Variants in DNAH7 observed in about 807,000 individuals in gnomAD.
DNAH7 encodes the protein dynein axonemal heavy chain 7, also known as axonemal beta dynein heavy chain 7.
In DNAH7, 397 loss-of-function variants were observed where a neutral mutation model predicts 444.6. The ratio of observed to expected loss-of-function variants is 0.89; its 90% confidence interval spans 0.82 to 0.97. The LOEUF (loss-of-function observed/expected upper bound fraction) is 0.97, where lower values mean the gene tolerates loss of function less well. DNAH7 is among the 50% of genes least tolerant of loss of function. DNAH7 has a pLI of 0.00. For synonymous variants in DNAH7, 1,636 were observed against 1,624.4 expected (o/e 1.01, Z -0.17); for missense variants, 4,902 against 4,800.8 (o/e 1.02, Z -0.62).
At chr2:195,886,799 C>T (rs1445427305) in intron 33 of DNAH7, among the ~76,000 whole-genome samples, 1 of 152,076 alleles carries the variant, frequency 6.6e-6, no homozygotes, top group African/African-American at 2.4e-5. Flanking sequence ...AATGAAATAA[C>T]GTGTAATGCT....
chr2:196,024,013 G>C (rs1157124480), intron 8 of DNAH7, among the ~76,000 whole-genome samples: 2 of 152,072 alleles, frequency 1.3e-5, no homozygotes, highest in Non-Finnish European at 2.9e-5. Flanking sequence ...TGCAGTTTGT[G>C]GCTTTCCAAG....
intron 63 of DNAH7, among the ~76,000 whole-genome samples, chr2:195,748,155 A>G (rs1001100496): frequency 1.4e-4 from 22 of 152,340 alleles, no homozygotes; most frequent in Middle Eastern, 3.4e-3. Flanking sequence ...TACAAAATCA[A>G]TGTGCAAAAA....
intron 61 of DNAH7, among the ~76,000 whole-genome samples, chr2:195,761,330 A>G (rs1379114578): frequency 6.6e-6 from 1 of 152,172 alleles, no homozygotes; most frequent in Non-Finnish European, 1.5e-5. Flanking sequence ...GCACACCTAC[A>G]AGATCTAGAA....
At chr2:195,917,893 T>A (rs1192193748) in intron 24 of DNAH7, among the ~76,000 whole-genome samples, 1 of 152,188 alleles carries the variant, frequency 6.6e-6, no homozygotes, top group Non-Finnish European at 1.5e-5. Context: ...GGTCTTGAAT[T>A]CTTGGTGTCA....
chr2:195,763,827 T>C (rs930667531), intron 61 of DNAH7, among the ~76,000 whole-genome samples: 32 of 151,864 alleles, frequency 2.1e-4, no homozygotes, highest in Admixed American at 1.1e-3. Flanking sequence ...CCAATCCTAC[T>C]AAGCTATTCT....
At chr2:195,936,853 T>C in intron 19 of DNAH7, 61 bp from the exon 20 acceptor site, 1 of 1,166,042 alleles carries the variant, frequency 8.6e-7, no homozygotes, top group Non-Finnish European at 1.2e-6. Context: ...CTATTTATAT[T>C]CATATTATAT....
chr2:195,762,040 G>A (rs7565444), intron 61 of DNAH7, among the ~76,000 whole-genome samples: 1 of 152,034 alleles, frequency 6.6e-6, no homozygotes, highest in Non-Finnish European at 1.5e-5. Context: ...TTTCAAGACA[G>A]AGACAGTATA....
chr2:195,998,108 T>G (rs1218328280), intron 12 of DNAH7, among the ~76,000 whole-genome samples: 1 of 152,234 alleles, frequency 6.6e-6, no homozygotes, highest in Non-Finnish European at 1.5e-5. Context: ...ATGCCAACTG[T>G]AGGCTTTATC....
At chr2:195,983,820 TA>T (rs1170805228) in intron 15 of DNAH7, among the ~76,000 whole-genome samples, 2 of 152,100 alleles carry the variant, frequency 1.3e-5, no homozygotes, top group Non-Finnish European at 2.9e-5. Context: ...TTATAAAAAA[TA>T]AAATGTCACT....
intron 10 of DNAH7, 152 bp downstream of exon 10, chr2:196,012,635 T>C (rs1694788008): frequency 2.5e-6 from 2 of 804,698 alleles, no homozygotes; most frequent in Non-Finnish European, 3.7e-6. Flanking sequence ...GGACAAATAT[T>C]ACAGACTAAG....
chr2:195,792,437 A>ACACACACACG (rs1695928942), intron 57 of DNAH7, among the ~76,000 whole-genome samples: 1 of 145,520 alleles, frequency 6.9e-6, no homozygotes, highest in Non-Finnish European at 1.5e-5. Context: ...ACACACACAC[A>ACACACACACG]TTAAAAAAAC....
intron 61 of DNAH7, among the ~76,000 whole-genome samples, chr2:195,767,501 CTCCTT>C (rs1261888902): frequency 6.6e-6 from 1 of 151,924 alleles, no homozygotes; most frequent in East Asian, 1.9e-4. Context: ...AAATTTCCTC[CTCCTT>C]TTTTTTGTTC....
intron 21 of DNAH7, among the ~76,000 whole-genome samples, chr2:195,930,248 A>G (rs1327150432): frequency 6.6e-6 from 1 of 152,216 alleles, no homozygotes; most frequent in African/African-American, 2.4e-5. Context: ...GAGCTGAGAC[A>G]GAAGAATTGC....
chr2:195,844,593 A>AC (rs1698874967), intron 47 of DNAH7, among the ~76,000 whole-genome samples: 1 of 152,160 alleles, frequency 6.6e-6, no homozygotes, highest in South Asian at 2.1e-4. Context: ...ATCTAATTTA[A>AC]AACAGTCCCA....
intron 61 of DNAH7, among the ~76,000 whole-genome samples, chr2:195,756,845 C>T (rs571625262): frequency 2.0e-5 from 3 of 151,976 alleles, no homozygotes; most frequent in East Asian, 3.9e-4. Context: ...TACAAAAATT[C>T]GCTGGGTGTG....
chr2:195,786,073 A>C (rs1695607103), intron 58 of DNAH7, among the ~76,000 whole-genome samples: 1 of 152,180 alleles, frequency 6.6e-6, no homozygotes, highest in Admixed American at 6.5e-5. Context: ...GATGAAACAC[A>C]GAAGCCCAAA....
intron 58 of DNAH7, among the ~76,000 whole-genome samples, chr2:195,782,023 A>C (rs957800493): frequency 1.3e-4 from 20 of 150,936 alleles, no homozygotes; most frequent in African/African-American, 2.2e-4. Context: ...ACACAGACAC[A>C]CCCCTACCAA....
chr2:195,997,648 G>T (rs541836866), intron 12 of DNAH7, among the ~76,000 whole-genome samples: 1 of 151,794 alleles, frequency 6.6e-6, no homozygotes. Flanking sequence ...CTCATGGTGC[G>T]TTAACCCATT....
intron 47 of DNAH7, among the ~76,000 whole-genome samples, chr2:195,837,146 C>T (rs1284632827): frequency 1.3e-5 from 2 of 152,092 alleles, no homozygotes; most frequent in Non-Finnish European, 2.9e-5. Flanking sequence ...ATTCTTTATT[C>T]TTTTTTTCCT....
Sources: allele counts gnomAD v4.1 joint callset (sites outside exome capture counted in the v4.1 genomes callset), GRCh38; gene constraint gnomAD v4.1.1; transcripts MANE v1.5; gene names NCBI Gene and HGNC (gene_info 2026-07-23, HGNC 2026-07-21).